GLI3: variants seen among roughly 807,000 people sequenced by gnomAD.
GLI3 encodes transcription activator GLI3.
In GLI3, 20 loss-of-function variants were observed where a neutral mutation model predicts 100.8. The ratio of observed to expected loss-of-function variants is 0.20; its 90% CI spans 0.14 to 0.29. The LOEUF is 0.29. Ranked by LOEUF, GLI3 falls within the 10% of genes least tolerant of loss-of-function variation. The pLI is 1.00. For synonymous variants in GLI3, 938 were observed against 860.5 expected (o/e 1.09, Z -1.58); for missense variants, 2,040 against 2,128.5 (o/e 0.96, Z 0.82).
intron 2 of GLI3, among the ~76,000 whole-genome samples, chr7:42,173,906 A>C (rs1787427413): frequency 6.6e-6 from 1 of 152,240 alleles, no homozygotes; most frequent in Non-Finnish European, 1.5e-5. Context: ...GACCACTGCC[A>C]CATGGCTTTT....
At chr7:42,056,078 A>C (rs1442890147) in intron 4 of GLI3, among the ~76,000 whole-genome samples, 1 of 152,158 alleles carries the variant, frequency 6.6e-6, no homozygotes, top group Non-Finnish European at 1.5e-5. Context: ...AGTGCCTTTC[A>C]TCTTCCACCA....
intron 10 of GLI3, among the ~76,000 whole-genome samples, chr7:42,010,180 C>G (rs546246293): frequency 6.6e-6 from 1 of 152,192 alleles, no homozygotes; most frequent in Non-Finnish European, 1.5e-5. Flanking sequence ...GATTGACACT[C>G]GGAGCTGCTC....
At chr7:41,985,642 C>T (rs1327184955) in intron 10 of GLI3, among the ~76,000 whole-genome samples, 1 of 152,140 alleles carries the variant, frequency 6.6e-6, no homozygotes, top group Non-Finnish European at 1.5e-5. Context: ...AAAACACTTT[C>T]CACAAGAATC....
intron 1 of GLI3, among the ~76,000 whole-genome samples, chr7:42,231,541 T>G (rs775968025): frequency 6.6e-6 from 1 of 152,130 alleles, no homozygotes; most frequent in Non-Finnish European, 1.5e-5. Context: ...GATATGGAAT[T>G]TCATTGTAGT....
intron 10 of GLI3, among the ~76,000 whole-genome samples, chr7:41,997,673 T>G (rs1788165115): frequency 6.6e-6 from 1 of 152,180 alleles, no homozygotes; most frequent in African/African-American, 2.4e-5. Flanking sequence ...TCTAGCTGGG[T>G]TTATTTTGCG....
intron 12 of GLI3, among the ~76,000 whole-genome samples, chr7:41,974,171 C>T (rs1363684994): frequency 6.6e-6 from 1 of 152,150 alleles, no homozygotes; most frequent in Non-Finnish European, 1.5e-5. Context: ...TATGGATGTA[C>T]ATTATGGGTT....
chr7:41,967,601 C>G lies in GLI3; in HGVS notation c.2426G>C (p.Gly809Ala). Residue 809 changes from glycine to alanine, a missense_variant, in exon 14 of 15, where the codon GGA (glycine) becomes GCA (alanine). Around this residue, in one of 5 missense-constraint regions of GLI3, gnomAD observed 327 missense variants for 338.7 expected, o/e 0.97. Coordinates refer to ENST00000395925, the MANE Select transcript of GLI3 (RefSeq NM_000168.6). ...PKAPAVSPLI[G>A]NGTQSNNTCS... ...TGGTCTGATGTAGAACTCACCATTT[C>G]CTATGAGAGGAGAGACCGCAGGGGC... 1 of 1,610,258 alleles carries G rather than the reference C, an allele frequency of 6.2e-7. No homozygotes were observed. The highest frequency in any genetic ancestry group is 8.5e-7 in the Non-Finnish European group (1 of 1,177,024).
At chr7:42,016,701 C>T (rs528036211) in intron 10 of GLI3, among the ~76,000 whole-genome samples, 99 of 152,088 alleles carry the variant, frequency 6.5e-4, no homozygotes, top group African/African-American at 2.3e-3. Context: ...TCATCATCAC[C>T]ACCATCATCA....
At chr7:42,154,606 C>T (rs1056569503) in intron 2 of GLI3, among the ~76,000 whole-genome samples, 5 of 152,204 alleles carry the variant, frequency 3.3e-5, no homozygotes, top group African/African-American at 1.2e-4. Context: ...TCCTCGCTCC[C>T]TGTTTCAGAA....
chr7:42,053,272 C>A (rs891546954), intron 4 of GLI3, among the ~76,000 whole-genome samples: 3 of 152,216 alleles, frequency 2.0e-5, no homozygotes, highest in Non-Finnish European at 4.4e-5. Context: ...GCTGGGATTA[C>A]AGGCGTGAGC....
At chr7:42,034,831 C>T (rs1425798755) in intron 7 of GLI3, among the ~76,000 whole-genome samples, 1 of 152,102 alleles carries the variant, frequency 6.6e-6, no homozygotes, top group Non-Finnish European at 1.5e-5. Flanking sequence ...CTCACTAGCT[C>T]TTTTGCTCAT....
At chr7:42,182,478 C>G (rs982545429) in intron 2 of GLI3, among the ~76,000 whole-genome samples, 1 of 150,864 alleles carries the variant, frequency 6.6e-6, no homozygotes, top group Admixed American at 6.6e-5. Flanking sequence ...AACGCATGCT[C>G]TTTACCCAAA....
chr7:42,127,444 A>C (rs760856074), intron 3 of GLI3, among the ~76,000 whole-genome samples: 2 of 152,212 alleles, frequency 1.3e-5, no homozygotes, highest in Non-Finnish European at 2.9e-5. Context: ...CTGACTTGCA[A>C]AACTGTTTGC....
chr7:42,017,452 A>G (rs927933395), intron 10 of GLI3, among the ~76,000 whole-genome samples: 2 of 152,134 alleles, frequency 1.3e-5, no homozygotes, highest in African/African-American at 4.8e-5. Context: ...ACCTGGGGGC[A>G]GTCACCCATA....
intron 2 of GLI3, among the ~76,000 whole-genome samples, chr7:42,217,062 G>A (rs1487034920): frequency 6.6e-6 from 1 of 152,170 alleles, no homozygotes; most frequent in Non-Finnish European, 1.5e-5. Context: ...CAAGTCCCAT[G>A]CGTGACAAGA....
intron 1 of GLI3, among the ~76,000 whole-genome samples, chr7:42,249,575 A>G (rs370880282): frequency 1.3e-5 from 2 of 152,216 alleles, no homozygotes; most frequent in African/African-American, 4.8e-5. Context: ...TAACTTTTCT[A>G]TCTTCATTTG....
In GLI3 at chr7:41,964,533, C is replaced by A; in HGVS notation, c.4540G>T (p.Asp1514Tyr). 2.5e-6 allele frequency: 4 copies of A among 1,613,588 alleles called. No homozygotes were observed. Among genetic ancestry groups the A allele is most frequent in the South Asian group, 1.1e-5 (1 of 91,070 alleles). ...GCCCCCGACATCAGGCTGGAGTGGT[C>A]CCCATCGTCTATGATGGCATCGAAG... ...IDFDAIIDDGDHSSLMSGALS... is the reference protein window; with the variant it reads ...IDFDAIIDDGYHSSLMSGALS... The change falls in exon 15 of 15, where the codon GAC becomes TAC. Residue 1514 changes from aspartate to tyrosine, a missense_variant. Asp to Tyr is a radical substitution (Grantham distance 160, BLOSUM62 -3). Around this residue, in one of 5 missense-constraint regions of GLI3, gnomAD observed 1,041 missense variants for 924.0 expected, o/e 1.13. Transcript: ENST00000395925.
chr7:42,157,436 C>A (rs1346325054), intron 2 of GLI3, among the ~76,000 whole-genome samples: 3 of 152,192 alleles, frequency 2.0e-5, no homozygotes, highest in African/African-American at 7.2e-5. Flanking sequence ...TTCATGGCCA[C>A]AGACATGACG....
At chr7:42,063,113 T>C (rs3801164) in intron 4 of GLI3, among the ~76,000 whole-genome samples, 89,923 of 151,882 alleles carry the variant, frequency 0.59, 27,004 homozygotes, top group African/African-American at 0.65. Flanking sequence ...GCTGAAGAAG[T>C]GCTCGTTTTT....
Sources: gnomAD v4.1 joint callset for allele counts (sites outside exome capture counted in the v4.1 genomes callset) on GRCh38, gnomAD v4.1.1 for gene constraint, gnomAD v4.1.1 regional missense constraint, MANE v1.5 for transcripts, NCBI Gene and HGNC (gene_info 2026-07-23, HGNC 2026-07-21) for gene names.